PEX14: variants seen among roughly 807,000 people sequenced by gnomAD.
PEX14 encodes peroxisomal biogenesis factor 14, also known as peroxisomal membrane protein PEX14.
In PEX14, 15 loss-of-function variants were observed where a neutral mutation model predicts 49.5. The ratio of observed to expected loss-of-function variants is 0.30; its 90% CI spans 0.20 to 0.47. The LOEUF (loss-of-function observed/expected upper bound fraction) is 0.47, where lower values mean the gene tolerates loss of function less well. Ranked by LOEUF, PEX14 falls within the 20% of genes least tolerant of loss-of-function variation. PEX14 has a pLI of 1.00. For missense variants in PEX14, 398 were observed against 494.8 expected, an observed-to-expected ratio of 0.80 and a Z score of 1.86; for synonymous variants, 210 against 212.7, an observed-to-expected ratio of 0.99 and a Z score of 0.11.
intron 3 of PEX14, among the ~76,000 whole-genome samples, chr1:10,561,339 C>G (rs1639648591): frequency 6.6e-6 from 1 of 152,222 alleles, no homozygotes; most frequent in South Asian, 2.1e-4. Context: ...TGCCATGTCT[C>G]TTTATCTAGA....
intron 2 of PEX14, among the ~76,000 whole-genome samples, chr1:10,498,386 A>G (rs1422863796): frequency 6.6e-6 from 1 of 152,226 alleles, no homozygotes; most frequent in Non-Finnish European, 1.5e-5. Context: ...TGCAGGTGAC[A>G]TTGTGATGTA....
At position 10,539,055 on chromosome 1, in the gene PEX14, G is replaced by A. The variant is rs1157747337; in HGVS notation, c.169+2758G>A. On this transcript the variant is annotated intron_variant, in intron 3 of 8. Transcript: ENST00000356607. This position sits in a 1 kb window ranked among gnomAD's most constrained non-coding sequence, Gnocchi z 4.6. ...TAATATAGAAATTGAGGTCCCTGTA[G>A]TGCATGTCAGTTCAGTGGAAAATGA... Among the ~76,000 whole-genome samples, 4 of 152,106 alleles carry A rather than the reference G, an allele frequency of 2.6e-5. No individual in the cohort carries two copies. The highest frequency in any genetic ancestry group is 2.1e-4 in the South Asian group (1 of 4,806).
At position 10,630,125 on chromosome 1, in the gene PEX14, G is replaced by T. The variant is rs1641880794; in HGVS notation, c.*138G>T. On this transcript the variant is annotated 3_prime_UTR_variant, in exon 9 of 9. Transcript: ENST00000356607. The surrounding 1 kb of genome is among the most constrained non-coding windows in gnomAD (Gnocchi z 4.1). ...CAGAGCTGTCCTCAGCTGCACTGCG[G>T]CCTGGTGGCAGTGTGGGGAGTCACA... 3.7e-6 allele frequency: 5 copies of T among 1,341,680 alleles called. No homozygotes were observed. Among genetic ancestry groups the T allele is most frequent in the Non-Finnish European group, 4.0e-6 (4 of 993,942 alleles). The allele number at this position is 1,341,680 out of a possible 1,614,324, so 83.1% of individuals were successfully genotyped here.
chr1:10,513,377 G>C (rs1641916938), intron 2 of PEX14, among the ~76,000 whole-genome samples: 1 of 152,174 alleles, frequency 6.6e-6, no homozygotes, highest in South Asian at 2.1e-4. Context: ...GGCGGGGTTT[G>C]AGTCAACATG....
intron 2 of PEX14, chr1:10,517,129 G>A (rs954950339): frequency 4.6e-5 from 7 of 152,258 alleles, no homozygotes; most frequent in African/African-American, 1.4e-4. Flanking sequence ...AGGAAGAAGT[G>A]AGGTCAGAGG....
chr1:10,581,604 A>T (rs1453837876), intron 3 of PEX14, among the ~76,000 whole-genome samples: 1 of 151,808 alleles, frequency 6.6e-6, no homozygotes, highest in African/African-American at 2.4e-5. Flanking sequence ...GTGCCTGGCT[A>T]ATCCTTGTTA....
Position 10,629,596 on chromosome 1 carries a change from C to G in PEX14, c.743C>G (p.Pro248Arg). ...TCCTGGCAGATCCCAGTCAAGTCACCGTCACCCTCCAGCCCTGCGGCCGTG... is the reference window on the plus strand; with the variant it reads ...TCCTGGCAGATCCCAGTCAAGTCACGGTCACCCTCCAGCCCTGCGGCCGTG... ...IPSWQIPVKS[P>R]SPSSPAAVNH... is the part of the protein sequence containing the mutation. Residue 248 changes from proline (P) to arginine (R), a missense_variant, in exon 9 of 9, where the codon CCG (proline) becomes CGG (arginine). Coordinates refer to ENST00000356607, the MANE Select transcript of PEX14 (RefSeq NM_004565.3). This position sits in a 1 kb window ranked among gnomAD's most constrained non-coding sequence, Gnocchi z 8.5. 1 of 1,614,028 alleles carries G rather than the reference C, an allele frequency of 6.2e-7. No homozygotes were observed. The highest frequency in any genetic ancestry group is 8.5e-7 in the Non-Finnish European group (1 of 1,180,000).
intron 3 of PEX14, among the ~76,000 whole-genome samples, chr1:10,566,613 C>T (rs1039527546): frequency 1.3e-5 from 2 of 151,988 alleles, no homozygotes; most frequent in Non-Finnish European, 2.9e-5. Flanking sequence ...CTCAGCCTCC[C>T]GAGTAGCTAG....
chr1:10,541,314 C>T (rs559193587), intron 3 of PEX14, among the ~76,000 whole-genome samples: 3 of 152,312 alleles, frequency 2.0e-5, no homozygotes, highest in East Asian at 1.9e-4. Flanking sequence ...GGAGTGAGAG[C>T]TACCAGGGGA....
chr1:10,480,440 C>G (rs1557802587), intron 1 of PEX14, among the ~76,000 whole-genome samples: 1 of 130,350 alleles, frequency 7.7e-6, no homozygotes, highest in Admixed American at 9.4e-5. Flanking sequence ...GTCTCCCGAT[C>G]TGGAGTACAG....
chr1:10,594,582 T>C (rs1217184484), intron 3 of PEX14, among the ~76,000 whole-genome samples: 1 of 152,228 alleles, frequency 6.6e-6, no homozygotes, highest in African/African-American at 2.4e-5. Context: ...TCCTAACCCT[T>C]CTGTCCTGGT....
intron 2 of PEX14, among the ~76,000 whole-genome samples, chr1:10,500,373 CA>C (rs750781683): frequency 0.019 from 814 of 43,672 alleles, 1 homozygote; most frequent in African/African-American, 0.045. Flanking sequence ...GATTCTGTCT[CA>C]AAAAAAAAAA....
intron 1 of PEX14, among the ~76,000 whole-genome samples, chr1:10,488,414 C>T (rs1049574650): frequency 6.6e-6 from 1 of 152,222 alleles, no homozygotes; most frequent in Non-Finnish European, 1.5e-5. Flanking sequence ...GCCTTGGCCT[C>T]CCAAAATGCT....
intron 3 of PEX14, among the ~76,000 whole-genome samples, chr1:10,557,167 A>G (rs2124521760): frequency 6.6e-6 from 1 of 152,234 alleles, no homozygotes; most frequent in Middle Eastern, 3.4e-3. Context: ...TGCTGAAAAT[A>G]TATGCCATAA....
intron 3 of PEX14, among the ~76,000 whole-genome samples, chr1:10,554,393 T>G (rs1427367691): frequency 6.6e-6 from 1 of 151,488 alleles, no homozygotes; most frequent in Non-Finnish European, 1.5e-5. Context: ...GACTCCAAAA[T>G]GATCAGGACA....
At chr1:10,606,316 G>A (rs141759692) in intron 4 of PEX14, among the ~76,000 whole-genome samples, 75 of 152,298 alleles carry the variant, frequency 4.9e-4, no homozygotes, top group African/African-American at 1.7e-3. Flanking sequence ...CAGCGAGAGC[G>A]GGGAGAAAGC....
At chr1:10,624,216 T>TG in intron 6 of PEX14, 124 bp from the exon 7 acceptor site, 1 of 775,710 alleles carries the variant, frequency 1.3e-6, no homozygotes, top group Non-Finnish European at 2.4e-6. Context: ...TTGCGGGGGC[T>TG]GGGGGTGTCT....
At chr1:10,486,733 G>A (rs1641375765) in intron 1 of PEX14, among the ~76,000 whole-genome samples, 1 of 150,082 alleles carries the variant, frequency 6.7e-6, no homozygotes, top group Non-Finnish European at 1.5e-5. Flanking sequence ...TGTCACCCAG[G>A]CTGGAGTGCA....
rs563031667 is a variant in PEX14 at position 10,574,693 on chromosome 1, C to G, written c.170-24545C>G. On this transcript the variant is annotated intron_variant, in intron 3 of 8. Coordinates refer to ENST00000356607, the MANE Select transcript of PEX14 (RefSeq NM_004565.3). ...CCTATTAAAGAACAGATCCCAAACT[C>G]AGTGAAACCTGAAGAAAAAAAGGCC... Among the ~76,000 whole-genome samples the G allele has an allele frequency of 2.0e-5, 3 of 152,202 alleles. No homozygotes were observed. In the South Asian group the frequency reaches 6.2e-4, roughly 32 times the overall value.
Sources: gnomAD v4.1 joint callset for allele counts (sites outside exome capture counted in the v4.1 genomes callset) on GRCh38, gnomAD v4.1.1 for gene constraint, Gnocchi (gnomAD v3.1) non-coding constraint, MANE v1.5 for transcripts, NCBI Gene and HGNC (gene_info 2026-07-23, HGNC 2026-07-21) for gene names.